Variants in NOL4L observed in about 807,000 individuals in gnomAD.
NOL4L encodes the protein nucleolar protein 4 like, also known as nucleolar protein 4-like.
NOL4L carries 7 observed loss-of-function variants against 64.5 expected under a neutral mutation model. The observed-to-expected ratio is 0.11, with a 90% CI of 0.06 to 0.20. The LOEUF (loss-of-function observed/expected upper bound fraction) is 0.20, where lower values mean the gene tolerates loss of function less well. NOL4L is among the 10% of genes least tolerant of loss of function. The pLI is 1.00. For missense variants in NOL4L, 680 were observed against 967.1 expected (o/e 0.70, Z 3.94); for synonymous variants, 413 against 401.0 (o/e 1.03, Z -0.36).
At chr20:32,575,369 G>A (rs1252297215) in intron 1 of NOL4L, among the ~76,000 whole-genome samples, 2 of 152,028 alleles carry the variant, frequency 1.3e-5, no homozygotes, top group Admixed American at 1.3e-4. Flanking sequence ...GTCGTACAAC[G>A]CCCACGCTGA....
At chr20:32,571,941 T>C (rs564538889) in intron 1 of NOL4L, among the ~76,000 whole-genome samples, 1 of 152,312 alleles carries the variant, frequency 6.6e-6, no homozygotes, top group South Asian at 2.1e-4. Flanking sequence ...TGCAGAATCT[T>C]TGGGGGATCC....
At chr20:32,547,266 G>A (rs1193430199) in intron 1 of NOL4L, among the ~76,000 whole-genome samples, 1 of 152,114 alleles carries the variant, frequency 6.6e-6, no homozygotes, top group Non-Finnish European at 1.5e-5. Context: ...CTGAGCTAGA[G>A]ACCAGCCCGG....
At chr20:32,473,632 A>T (rs2145480874) in intron 5 of NOL4L, among the ~76,000 whole-genome samples, 1 of 152,188 alleles carries the variant, frequency 6.6e-6, no homozygotes, top group Admixed American at 6.5e-5. Flanking sequence ...TGCCATGGAG[A>T]TGAACTTTGA....
chr20:32,574,644 G>A (rs879580930), intron 1 of NOL4L, among the ~76,000 whole-genome samples: 11 of 152,136 alleles, frequency 7.2e-5, no homozygotes, highest in Admixed American at 7.2e-4. Flanking sequence ...TCAGCCCGGG[G>A]ATGCCGAGAA....
rs771926940 is a variant in NOL4L at position 32,453,292 on chromosome 20, G to T, written c.1497+12C>A. 13 of 1,610,458 alleles carry T rather than the reference G, an allele frequency of 8.1e-6. No homozygotes were observed. Among genetic ancestry groups the T allele is most frequent in the Admixed American group, 6.7e-5 (4 of 59,896 alleles). ...ACCGAGGGAAAGTGTGGGCCAGGCA[G>T]GGGGGACTCACCATCTCCATGCCGT... On this transcript the variant is annotated intron_variant, in intron 8 of 10. Coordinates refer to ENST00000621426, the MANE Select transcript of NOL4L (RefSeq NM_001256798.2). The surrounding 1 kb of genome is among the most constrained non-coding windows in gnomAD (Gnocchi z 5.6).
chr20:32,500,825 G>A (rs866207706), intron 4 of NOL4L, among the ~76,000 whole-genome samples: 1 of 152,090 alleles, frequency 6.6e-6, no homozygotes, highest in African/African-American at 2.4e-5. Flanking sequence ...AGCTCCAATG[G>A]CCAAAGCTAG....
Position 32,584,729 on chromosome 20 carries a change from C to G in NOL4L, c.162G>C (p.Glu54Asp). The change falls in exon 1 of 11, where the codon GAG (glutamate) becomes GAC (aspartate). Residue 54 changes from glutamate (E) to aspartate (D), a missense_variant. Glu to Asp is a conservative substitution (Grantham distance 45). Transcript: ENST00000621426. ...CAGTCCCGCCGCCGCCCTGCAGGAC[C>G]TCGGCGATCCGCTGGTATTTGCTGC... ...VTRSKYQRIAEVLQGGGGTGA... is the reference protein window; with the variant it reads ...VTRSKYQRIADVLQGGGGTGA... 1.3e-6 allele frequency: 2 copies of G among 1,548,098 alleles called. No individual in the cohort carries two copies. The highest frequency in any genetic ancestry group is 1.7e-6 in the Non-Finnish European group (2 of 1,145,850).
At chr20:32,584,495 C>A in intron 1 of NOL4L, 75 bp downstream of exon 1, 2 of 1,096,548 alleles carry the variant, frequency 1.8e-6, no homozygotes, top group Non-Finnish European at 2.4e-6. Flanking sequence ...CACATCCACA[C>A]CCCCACCCCG....
At chr20:32,536,602 G>C (rs1300660811) in intron 1 of NOL4L, among the ~76,000 whole-genome samples, 1 of 148,858 alleles carries the variant, frequency 6.7e-6, no homozygotes, top group Non-Finnish European at 1.5e-5. Context: ...CTGCTGGAGC[G>C]GCTCGCGCGG....
At chr20:32,515,508 T>C (rs957525239) in intron 3 of NOL4L, among the ~76,000 whole-genome samples, 5 of 152,048 alleles carry the variant, frequency 3.3e-5, no homozygotes, top group African/African-American at 1.2e-4. Flanking sequence ...CCAGGTGTTC[T>C]GGATTCAATA....
chr20:32,564,263 A>G (rs1285965343), intron 1 of NOL4L, among the ~76,000 whole-genome samples: 8 of 152,242 alleles, frequency 5.3e-5, no homozygotes, highest in Non-Finnish European at 1.0e-4. Context: ...GGAGGTGTAC[A>G]GGGAGCTAAC....
chr20:32,535,439 G>T, intron 1 of NOL4L: 1 of 226,812 alleles, frequency 4.4e-6, no homozygotes, highest in Non-Finnish European at 7.3e-6. Flanking sequence ...TATAGCACCT[G>T]CCTCTTCTCC....
Position 32,556,278 on chromosome 20 carries a change from G to GT in NOL4L, c.321+28291_321+28292insA, listed in dbSNP as rs1020111584. Among the ~76,000 whole-genome samples, 18 of 152,024 alleles carry GT rather than the reference G, an allele frequency of 1.2e-4. 1 individual carries two copies. The highest frequency in any genetic ancestry group is 2.4e-4 in the Non-Finnish European group (16 of 68,004). On this transcript the variant is annotated intron_variant, in intron 1 of 10. Transcript: ENST00000621426. The stretch of plus-strand genomic sequence containing the variant: ...CTTCAGCAAATATTTCCTTTGTGGG[G>GT]GGGGGGGGTTTCCCTGGAGCCCCTC...
intron 4 of NOL4L, among the ~76,000 whole-genome samples, chr20:32,493,664 T>C (rs2016555435): frequency 6.6e-6 from 1 of 152,188 alleles, no homozygotes; most frequent in Non-Finnish European, 1.5e-5. Context: ...TAGTTATGGA[T>C]AGTGATGGTA....
At chr20:32,474,781 G>T in intron 4 of NOL4L, 39 bp from the exon 5 acceptor site, 1 of 1,557,272 alleles carries the variant, frequency 6.4e-7, no homozygotes, top group African/African-American at 1.4e-5. Flanking sequence ...CAGCAGGGAC[G>T]GGCTCTCATC....
intron 4 of NOL4L, 193 bp downstream of exon 4, chr20:32,511,154 C>A (rs1292785735): frequency 5.6e-5 from 30 of 535,648 alleles, no homozygotes; most frequent in Non-Finnish European, 8.4e-5. Context: ...GCTGTCTGCA[C>A]AGGAGACCCT....
rs1379607873 is a variant in NOL4L at position 32,560,210 on chromosome 20, CTGAATAA to C, written c.321+24353_321+24359del. On this transcript the variant is annotated intron_variant, in intron 1 of 10. Transcript: ENST00000621426. ...CCCAGTGGGCACCAATCGTGGCCTG[CTGAATAA>C]TGACCATTCTGAGTACTGAGTGTGG... Among the ~76,000 whole-genome samples the C allele has an allele frequency of 2.6e-5, 4 of 152,342 alleles. No individual in the cohort carries two copies. In the East Asian group the frequency reaches 7.7e-4, roughly 29 times the overall value.
intron 1 of NOL4L, among the ~76,000 whole-genome samples, chr20:32,541,008 T>C (rs865987847): frequency 2.7e-4 from 36 of 133,600 alleles, no homozygotes; most frequent in Admixed American, 6.9e-4. Flanking sequence ...CGCCACCCCC[T>C]ACACACACAC....
intron 1 of NOL4L, among the ~76,000 whole-genome samples, chr20:32,542,384 C>T (rs1328062694): frequency 6.6e-6 from 1 of 152,150 alleles, no homozygotes; most frequent in Non-Finnish European, 1.5e-5. Context: ...GACAGGGTCT[C>T]GCTGTGTCAC....
Sources: gnomAD v4.1 joint callset for allele counts (sites outside exome capture counted in the v4.1 genomes callset) on GRCh38, gnomAD v4.1.1 for gene constraint, Gnocchi (gnomAD v3.1) non-coding constraint, MANE v1.5 for transcripts, NCBI Gene and HGNC (gene_info 2026-07-23, HGNC 2026-07-21) for gene names.